The following GRPR variants were observed in gnomAD, a reference collection of about 807,000 sequenced individuals.
GRPR encodes the protein gastrin-releasing peptide receptor.
GRPR carries 4 observed loss-of-function variants against 15.6 expected under a neutral mutation model. The observed-to-expected ratio is 0.26, with a 90% CI of 0.13 to 0.59. The LOEUF is 0.59. GRPR is among the 20% of genes least tolerant of loss of function. The pLI is 0.90. For missense variants in GRPR, 270 were observed against 304.1 expected (o/e 0.89, Z 0.83); for synonymous variants, 128 against 126.8 (o/e 1.01, Z -0.06).
rs761532402 is a variant in GRPR at position 16,123,949 on chromosome X, T to C, written c.-5T>C. 10 of 1,204,368 alleles carry C rather than the reference T, an allele frequency of 8.3e-6. No individual in the cohort carries two copies. The highest frequency in any genetic ancestry group is 1.0e-5 in the Non-Finnish European group (9 of 890,966). On this transcript the variant is annotated 5_prime_UTR_variant, in exon 1 of 3. Transcript: ENST00000380289. ...GAACTTTTAGGTGGGAAAAAAAATC[T>C]AGAGATGGCTCTAAATGACTGTTTC... is the stretch of plus-strand genomic sequence containing the variant.
intron 1 of GRPR, among the ~76,000 whole-genome samples, chrX:16,149,487 A>G (rs1231477579): frequency 9.0e-6 from 1 of 110,899 alleles, no homozygotes; most frequent in Non-Finnish European, 1.9e-5. Context: ...AAGGCAAGGG[A>G]AAAATCAATG....
Position 16,153,335 on chromosome X carries a change from A to G in GRPR, c.*690A>G, listed in dbSNP as rs1326537090. The G allele has an allele frequency of 9.8e-5, 11 of 112,634 alleles. No individual in the cohort carries two copies. Among genetic ancestry groups the G allele is most frequent in the African/African-American group, 3.2e-5 (1 of 30,814 alleles). 9.3% of individuals were successfully genotyped at this position (112,634 alleles called of 1,213,427 possible). A position where few individuals can be genotyped will look rare whatever the true frequency, so the allele number is the denominator to read the frequency against. ...AGCAAAAATACAATCAAACACATTG[A>G]CACGTATATAAAGATCCACGCGTGG... On this transcript the variant is annotated 3_prime_UTR_variant, in exon 3 of 3. Coordinates refer to ENST00000380289, the MANE Select transcript of GRPR (RefSeq NM_005314.3).
chrX:16,134,141 T>C (rs952003694), intron 1 of GRPR, among the ~76,000 whole-genome samples: 3 of 111,877 alleles, frequency 2.7e-5, no homozygotes, highest in African/African-American at 9.7e-5. Context: ...CATTTCACCA[T>C]TTTGCCATGT....
intron 1 of GRPR, among the ~76,000 whole-genome samples, chrX:16,143,034 C>T (rs1428091844): frequency 9.1e-6 from 1 of 109,958 alleles, no homozygotes; most frequent in Non-Finnish European, 1.9e-5. Context: ...CCTTATTTCC[C>T]CAGTGATTCT....
rs1326746420 is a variant in GRPR, at chrX:16,124,164, A to G, written c.211A>G (p.Met71Val). ...LIKIFCTVKS[M>V]RNVPNLFISS... ...CAAGATCTTCTGTACAGTCAAGTCC[A>G]TGCGAAACGTTCCAAACCTGTTCAT... The change falls in exon 1 of 3, where the codon ATG becomes GTG. Residue 71 changes from methionine (M) to valine (V), a missense_variant. Physicochemically the swap from Met to Val is conservative, Grantham distance 21. Around this residue, in one of 3 missense-constraint regions of GRPR, gnomAD observed 115 missense variants for 128.8 expected, o/e 0.89. Transcript: ENST00000380289. 8.3e-7 allele frequency: 1 copy of G among 1,207,962 alleles called. No individual in the cohort carries two copies. Among genetic ancestry groups the G allele is most frequent in the Non-Finnish European group, 1.1e-6 (1 of 893,296 alleles).
chrX:16,142,583 T>C (rs779080474), intron 1 of GRPR, among the ~76,000 whole-genome samples: 7 of 112,267 alleles, frequency 6.2e-5, no homozygotes, highest in African/African-American at 2.3e-4. Context: ...CCTGGTAACA[T>C]AGAATGAAAT....
intron 1 of GRPR, among the ~76,000 whole-genome samples, chrX:16,125,424 T>C (rs919659939): frequency 3.6e-5 from 4 of 112,479 alleles, no homozygotes; most frequent in African/African-American, 9.7e-5. Flanking sequence ...TTTTCACTTA[T>C]AATCAACTGT....
At chrX:16,142,624 A>G (rs1211133695) in intron 1 of GRPR, among the ~76,000 whole-genome samples, 1 of 112,068 alleles carries the variant, frequency 8.9e-6, no homozygotes, top group African/African-American at 3.2e-5. Context: ...AGTAGTACAT[A>G]TATATAATTT....
intron 1 of GRPR, among the ~76,000 whole-genome samples, chrX:16,127,751 G>A (rs966045857): frequency 7.2e-5 from 8 of 111,555 alleles, no homozygotes; most frequent in East Asian, 2.8e-4. Flanking sequence ...TGATGGAGTC[G>A]AGCTAGGCAA....
At chrX:16,142,388 A>C (rs1922542080) in intron 1 of GRPR, among the ~76,000 whole-genome samples, 1 of 110,321 alleles carries the variant, frequency 9.1e-6, no homozygotes, top group Non-Finnish European at 1.9e-5. Flanking sequence ...CATTTCCTAG[A>C]TTTTTTTTCT....
At position 16,123,776 on chromosome X, in the gene GRPR, T is replaced by C. The variant is rs780264362; in HGVS notation, c.-178T>C. Reference sequence around the variant, plus strand: ...TGTGAAAGCCAGAGCAGCACCAGTGTCAAAATAGTGACAGAGAGTTTTGAA... The same window carrying C: ...TGTGAAAGCCAGAGCAGCACCAGTGCCAAAATAGTGACAGAGAGTTTTGAA... On this transcript the variant is annotated 5_prime_UTR_variant, in exon 1 of 3. Transcript: ENST00000380289. The C allele has an allele frequency of 2.6e-4, 127 of 488,110 alleles. No individual in the cohort carries two copies. In the African/African-American group the frequency reaches 2.7e-3, roughly 10 times the overall value. 40.2% of individuals were successfully genotyped at this position (488,110 alleles called of 1,213,427 possible).
intron 1 of GRPR, among the ~76,000 whole-genome samples, chrX:16,140,929 C>T (rs1922522243): frequency 9.0e-6 from 1 of 111,487 alleles, no homozygotes. Context: ...GTTTTTTTCC[C>T]CCGTTCTCTG....
rs141598090 is a variant in GRPR at position 16,150,650 on chromosome X, G to A, written c.759G>A (p.Lys253=). 21 of 1,093,797 alleles carry A rather than the reference G, an allele frequency of 1.9e-5. No individual in the cohort carries two copies. Among genetic ancestry groups the A allele is most frequent in the Non-Finnish European group, 2.7e-5 (21 of 789,035 alleles). 90.1% of individuals were successfully genotyped at this position (1,093,797 alleles called of 1,213,427 possible). A position where few individuals can be genotyped will look rare whatever the true frequency, so the allele number is the denominator to read the frequency against. The change falls in exon 2 of 3, where the codon AAG becomes AAA. Residue 253 remains lysine, a synonymous_variant. Transcript: ENST00000380289. ...NLPVEGNIHV[K]KQIESRKRLA... ...CCGTGGAAGGGAATATACATGTCAA[G>A]AAGCAGGTAGGTGCTCAGGATTGAT...
Position 16,150,444 on chromosome X carries a change from C to A in GRPR, c.553C>A (p.His185Asn), listed in dbSNP as rs1271020192. The A allele has an allele frequency of 8.3e-7, 1 of 1,208,842 alleles. No homozygotes were observed. Among genetic ancestry groups the A allele is most frequent in the Admixed American group, 2.2e-5 (1 of 45,990 alleles). The change falls in exon 2 of 3, where the codon CAT (histidine) becomes AAT (asparagine). Residue 185 changes from histidine to asparagine, a missense_variant. His to Asn is a moderately conservative substitution (Grantham distance 68, BLOSUM62 1). Around this residue, in one of 3 missense-constraint regions of GRPR, gnomAD observed 22 missense variants for 51.9 expected, o/e 0.42. Transcript: ENST00000380289. Reference protein sequence around the residue: ...EAVFSDLHPFHEESTNQTFIS... With the variant: ...EAVFSDLHPFNEESTNQTFIS... ...CGTGTTTTCTGACCTCCATCCCTTC[C>A]ATGAGGAAAGCACCAACCAGACCTT...
At chrX:16,129,039 TCAGTGTTATTTTTACTAGAATGGGGCTGG>T in intron 1 of GRPR, among the ~76,000 whole-genome samples, 1 of 112,417 alleles carries the variant, frequency 8.9e-6, no homozygotes, top group East Asian at 2.8e-4. Flanking sequence ...GTGCCATTAT[TCAGTGTTATTTTTACTAGAATGGGGCTGG>T]CAGAATGGAT....
intron 1 of GRPR, among the ~76,000 whole-genome samples, chrX:16,131,736 G>C (rs987742331): frequency 9.0e-6 from 1 of 111,703 alleles, no homozygotes; most frequent in African/African-American, 3.3e-5. Context: ...CTTTTTGCAC[G>C]TATCAGTAAT....
At chrX:16,138,422 T>G (rs1398752359) in intron 1 of GRPR, among the ~76,000 whole-genome samples, 1 of 112,161 alleles carries the variant, frequency 8.9e-6, no homozygotes, top group Non-Finnish European at 1.9e-5. Flanking sequence ...GAAGGAAATA[T>G]ATCAAAACAT....
At chrX:16,130,661 G>T (rs1922363503) in intron 1 of GRPR, among the ~76,000 whole-genome samples, 1 of 112,562 alleles carries the variant, frequency 8.9e-6, no homozygotes, top group South Asian at 3.7e-4. Flanking sequence ...TGGAGGCCCA[G>T]CTTCATTGAT....
rs1922273923 is a variant in GRPR, at chrX:16,125,341, T to C, written c.413+975T>C. Among the ~76,000 whole-genome samples, 2 of 112,555 alleles carry C rather than the reference T, an allele frequency of 1.8e-5. 1 individual carries two copies. The highest frequency in any genetic ancestry group is 7.3e-4 in the South Asian group (2 of 2,739). The stretch of plus-strand genomic sequence containing the variant: ...TCTGGAAATTGGACATAGTAATGAA[T>C]AGACTTTCAGACACAGCATAGACCA... On this transcript the variant is annotated intron_variant, in intron 1 of 2. Transcript: ENST00000380289.
Sources: gnomAD v4.1 joint callset for allele counts (sites outside exome capture counted in the v4.1 genomes callset) on GRCh38, gnomAD v4.1.1 for gene constraint, gnomAD v4.1.1 regional missense constraint, MANE v1.5 for transcripts, NCBI Gene and HGNC (gene_info 2026-07-23, HGNC 2026-07-21) for gene names.